Variants in LIMCH1 observed in about 807,000 individuals in gnomAD.
LIMCH1 encodes the protein LIM and calponin homology domains-containing protein 1.
In LIMCH1, 113 loss-of-function variants were observed where a neutral mutation model predicts 176.5. That is an observed-to-expected ratio of 0.64 (90% CI 0.55 to 0.75). LIMCH1 has a LOEUF of 0.75. LIMCH1 is among the 30% of genes least tolerant of loss of function. The probability of loss-of-function intolerance (pLI) is 0.00; values close to 1 mark genes in which losing one functional copy is unlikely to be tolerated. For missense variants in LIMCH1, 1,674 were observed against 1,814.9 expected (o/e 0.92, Z 1.41); for synonymous variants, 619 against 645.9 (o/e 0.96, Z 0.63).
chr4:41,699,108 A>G lies in LIMCH1; in HGVS notation c.*1923A>G, dbSNP rs1363323832. ...ATATTTTGATAATGTGGATGTTTAC[A>G]CTTTGCATGATATTAGCAGAGTACC... On this transcript the variant is annotated 3_prime_UTR_variant, in exon 32 of 32. Coordinates refer to ENST00000503057, the MANE Select transcript of LIMCH1 (RefSeq NM_001330672.2). The G allele has an allele frequency of 6.6e-6, 1 of 152,244 alleles. No individual in the cohort carries two copies. The highest frequency in any genetic ancestry group is 6.5e-5 in the Admixed American group (1 of 15,280). The allele number at this position is 152,244 out of a possible 1,614,324, so 9.4% of individuals were successfully genotyped here. A position where few individuals can be genotyped will look rare whatever the true frequency, so the allele number is the denominator to read the frequency against.
At chr4:41,473,054 C>A (rs539123241) in intron 1 of LIMCH1, 1 of 984,706 alleles carries the variant, frequency 1.0e-6, no homozygotes, top group Admixed American at 6.2e-5. Context: ...TAATGTAATT[C>A]CATTCAAGAC....
chr4:41,663,134 C>CGTGTGTGTGTGTGTGT lies in LIMCH1; in HGVS notation c.3291+174_3291+189dup, dbSNP rs60475434. 2.4e-3 allele frequency: 976 copies of CGTGTGTGTGTGTGTGT among 406,522 alleles called. 13 individuals carry two copies. Among genetic ancestry groups the CGTGTGTGTGTGTGTGT allele is most frequent in the Admixed American group, 3.3e-3 (85 of 25,394 alleles). The allele number at this position is 406,522 out of a possible 1,614,324, so 25.2% of individuals were successfully genotyped here. On this transcript the variant is annotated intron_variant, in intron 20 of 31. Transcript: ENST00000503057. ...TCTTTAATCTGTAGTTTTTCTTTTT[C>CGTGTGTGTGTGTGTGT]GTGTGTGTGTGTGTGTGTGTGTGTG...
chr4:41,436,344 T>C (rs960445049), intron 1 of LIMCH1, among the ~76,000 whole-genome samples: 2 of 152,212 alleles, frequency 1.3e-5, no homozygotes. Flanking sequence ...TGAGCTTTTC[T>C]GACTTAGAAA....
intron 1 of LIMCH1, among the ~76,000 whole-genome samples, chr4:41,539,584 A>C: frequency 6.6e-6 from 1 of 152,186 alleles, no homozygotes; most frequent in Non-Finnish European, 1.5e-5. Flanking sequence ...CATCTCCTCA[A>C]TCTAATCATC....
intron 2 of LIMCH1, among the ~76,000 whole-genome samples, chr4:41,521,159 C>A (rs1404442428): frequency 2.0e-5 from 3 of 152,092 alleles, no homozygotes; most frequent in Non-Finnish European, 4.4e-5. Context: ...TGTTTTGTCT[C>A]GAATTATGCT....
chr4:41,509,487 C>G (rs1431779105), intron 2 of LIMCH1, among the ~76,000 whole-genome samples: 1 of 152,176 alleles, frequency 6.6e-6, no homozygotes, highest in Non-Finnish European at 1.5e-5. Flanking sequence ...TAGGGTTCTC[C>G]CTTGTCCTTC....
At chr4:41,645,221 G>C (rs542170804) in intron 15 of LIMCH1, among the ~76,000 whole-genome samples, 2 of 152,190 alleles carry the variant, frequency 1.3e-5, no homozygotes, top group Non-Finnish European at 2.9e-5. Flanking sequence ...GAGCCAAAGC[G>C]GGGAGAGAGG....
At chr4:41,634,882 G>A (rs2093499551) in intron 13 of LIMCH1, among the ~76,000 whole-genome samples, 1 of 152,216 alleles carries the variant, frequency 6.6e-6, no homozygotes. Context: ...GAGTGGTGAA[G>A]TGGGTCCTCC....
intron 3 of LIMCH1, among the ~76,000 whole-genome samples, chr4:41,528,009 T>G (rs1351344228): frequency 2.0e-5 from 3 of 152,176 alleles, no homozygotes; most frequent in Non-Finnish European, 4.4e-5. Context: ...GAGTATTAGA[T>G]AATAGTATTC....
chr4:41,555,422 G>C (rs144679808), intron 1 of LIMCH1, among the ~76,000 whole-genome samples: 16 of 152,290 alleles, frequency 1.1e-4, no homozygotes, highest in African/African-American at 3.8e-4. Flanking sequence ...AAGGACACTT[G>C]GTTAGCAGTG....
At chr4:41,499,832 A>T (rs1195933644) in intron 2 of LIMCH1, among the ~76,000 whole-genome samples, 2 of 152,184 alleles carry the variant, frequency 1.3e-5, no homozygotes, top group Non-Finnish European at 2.9e-5. Flanking sequence ...AGAAAAAAAA[A>T]ATCTAAGATC....
intron 31 of LIMCH1, among the ~76,000 whole-genome samples, chr4:41,693,775 C>A (rs1728260313): frequency 2.6e-5 from 4 of 152,042 alleles, no homozygotes; most frequent in Admixed American, 2.0e-4. Flanking sequence ...CCTCAGTGAA[C>A]CACAGTGAAT....
rs1401553279 is a variant in LIMCH1, at chr4:41,518,454, G to C, written c.168-5955G>C. 9.2e-5 allele frequency among the ~76,000 whole-genome samples: 14 copies of C among 152,292 alleles called. No homozygotes were observed. The South Asian group carries it at 2.9e-3, about 32-fold the overall frequency. On this transcript the variant is annotated intron_variant, in intron 2 of 26. Coordinates refer to the LIMCH1 transcript ENST00000313860. ...ACTTTGTATTTCATAATCATTAAAT[G>C]ATGATTGAGAGACTACCACATGCTG...
At chr4:41,626,604 T>C in intron 7 of LIMCH1, 104 bp from the exon 8 acceptor site, 1 of 903,796 alleles carries the variant, frequency 1.1e-6, no homozygotes, top group Non-Finnish European at 1.6e-6. Flanking sequence ...ACTAACAATA[T>C]CGAGAAGACT....
At chr4:41,390,948 A>G (rs1266142233) in intron 1 of LIMCH1, among the ~76,000 whole-genome samples, 1 of 152,210 alleles carries the variant, frequency 6.6e-6, no homozygotes. Context: ...TATTCTGGGC[A>G]GCCACGTGCC....
chr4:41,445,347 A>G (rs4576042), intron 1 of LIMCH1, among the ~76,000 whole-genome samples: 19,423 of 151,858 alleles, frequency 0.13, 3,732 homozygotes, highest in African/African-American at 0.41. Context: ...TATATCTCAA[A>G]CCTCTGATTG....
chr4:41,579,492 T>C (rs2085043695), intron 1 of LIMCH1, among the ~76,000 whole-genome samples: 1 of 152,250 alleles, frequency 6.6e-6, no homozygotes, highest in African/African-American at 2.4e-5. Context: ...AATGGCACAC[T>C]GTGTCAGATG....
intron 1 of LIMCH1, among the ~76,000 whole-genome samples, chr4:41,387,860 A>T (rs1257666379): frequency 6.6e-6 from 1 of 152,248 alleles, no homozygotes. Flanking sequence ...CTGTAATCCT[A>T]GCACTTTGGG....
rs114240211 is a variant in LIMCH1 at position 41,455,087 on chromosome 4, T to A, written c.97-39449T>A. Reference sequence around the variant, plus strand: ...AAAATGTACTGTATTTCTCTATGGGTTTGAGTATTATAAATATTTATGTGT... The same window carrying A: ...AAAATGTACTGTATTTCTCTATGGGATTGAGTATTATAAATATTTATGTGT... On this transcript the variant is annotated intron_variant, in intron 1 of 26. Transcript: ENST00000313860. Among the ~76,000 whole-genome samples, 1,254 of 152,054 alleles carry A rather than the reference T, an allele frequency of 8.2e-3. 19 individuals are homozygous for A. Among genetic ancestry groups the A allele is most frequent in the African/African-American group, 0.029 (1,184 of 41,472 alleles).
Sources: allele counts gnomAD v4.1 joint callset (sites outside exome capture counted in the v4.1 genomes callset), GRCh38; gene constraint gnomAD v4.1.1; transcripts MANE v1.5; gene names NCBI Gene and HGNC (gene_info 2026-07-23, HGNC 2026-07-21).